Variants in ZNF398 observed in about 807,000 individuals in gnomAD.
The protein encoded by ZNF398 is zinc finger protein 398.
In ZNF398, 18 loss-of-function variants were observed where a neutral mutation model predicts 41.9. The observed-to-expected ratio is 0.43, with a 90% CI of 0.30 to 0.64. ZNF398 has a LOEUF of 0.64. ZNF398 is among the 30% of genes least tolerant of loss of function. The pLI, the probability that ZNF398 is intolerant of heterozygous loss-of-function variation, is 0.14. For synonymous variants in ZNF398, 260 were observed against 308.8 expected (o/e 0.84, Z 1.66); for missense variants, 669 against 822.8 (o/e 0.81, Z 2.29).
chr7:149,141,447 C>T (rs368354215), intron 2 of ZNF398, among the ~76,000 whole-genome samples: 27 of 116,814 alleles, frequency 2.3e-4, no homozygotes, highest in East Asian at 6.8e-4. Context: ...AGCTACTTTT[C>T]TTTTTTTTCT....
rs142881129 is a variant in ZNF398, at chr7:149,152,014, C to T, written c.25-1931C>T. On this transcript the variant is annotated intron_variant, in intron 1 of 5. Transcript: ENST00000475153. Reference sequence around the variant, plus strand: ...TTGGGAGGCCGAGGAGGGCGGATCACGAGGTCAGGCTAACATGGTGAAACC... The same window carrying T: ...TTGGGAGGCCGAGGAGGGCGGATCATGAGGTCAGGCTAACATGGTGAAACC... 9.5e-4 allele frequency among the ~76,000 whole-genome samples: 144 copies of T among 152,000 alleles called. 1 individual carries two copies. Among genetic ancestry groups the T allele is most frequent in the African/African-American group, 3.3e-3 (137 of 41,508 alleles).
At chr7:149,168,767 C>G (rs1006223011) in intron 4 of ZNF398, among the ~76,000 whole-genome samples, 1 of 151,978 alleles carries the variant, frequency 6.6e-6, no homozygotes, top group Non-Finnish European at 1.5e-5. Context: ...GTTGGCCAGG[C>G]TGGTCTTAAA....
chr7:149,153,822 G>C lies in ZNF398; in HGVS notation c.25-123G>C, dbSNP rs890450704. ...CAGAAAGATGAGGCATACGCAGGCA[G>C]TACTAGAACTATATTCAAATTAATC... On this transcript the variant is annotated intron_variant, in intron 1 of 5. Transcript: ENST00000475153. 9 of 1,191,694 alleles carry C rather than the reference G, an allele frequency of 7.6e-6. No homozygotes were observed. In the Admixed American group the frequency reaches 2.3e-4, roughly 30 times the overall value. The allele number at this position is 1,191,694 out of a possible 1,614,324, so 73.8% of individuals were successfully genotyped here.
intron 2 of ZNF398, among the ~76,000 whole-genome samples, chr7:149,140,373 C>A (rs902528647): frequency 6.6e-6 from 1 of 152,000 alleles, no homozygotes; most frequent in African/African-American, 2.4e-5. Context: ...CAGTTGCATT[C>A]ATAACAGTAC....
At chr7:149,135,380 A>G (rs1161744803) in intron 2 of ZNF398, among the ~76,000 whole-genome samples, 3 of 121,998 alleles carry the variant, frequency 2.5e-5, no homozygotes, top group Admixed American at 1.9e-4. Flanking sequence ...ACAGAGCAAG[A>G]CTCTGTCTCA....
chr7:149,138,942 T>G (rs1007111416), intron 2 of ZNF398, among the ~76,000 whole-genome samples: 4 of 140,390 alleles, frequency 2.8e-5, no homozygotes, highest in African/African-American at 5.4e-5. Flanking sequence ...AGACGGAGTC[T>G]TGTTCTGTCA....
exon 1 of ZNF398, chr7:149,126,622 T>C: frequency 3.7e-6 from 1 of 268,358 alleles, no homozygotes; most frequent in Non-Finnish European, 7.1e-6. Context: ...GGAGACGCGC[T>C]CCACAGAAAC....
At chr7:149,127,739 C>CA (rs146998030) in intron 1 of ZNF398, among the ~76,000 whole-genome samples, 5,472 of 151,924 alleles carry the variant, frequency 0.036, 318 homozygotes, top group African/African-American at 0.12. Context: ...AACAAACAAA[C>CA]AAAAAAACTA....
intron 2 of ZNF398, among the ~76,000 whole-genome samples, chr7:149,158,960 A>G (rs1220301745): frequency 6.6e-6 from 1 of 152,000 alleles, no homozygotes; most frequent in Non-Finnish European, 1.5e-5. Context: ...AAAATCATCT[A>G]TAAAGTAATG....
chr7:149,166,079 A>G, intron 2 of ZNF398, 79 bp from the exon 3 acceptor site: 2 of 1,466,768 alleles, frequency 1.4e-6, no homozygotes, highest in Non-Finnish European at 1.8e-6. Flanking sequence ...AAAAAAAATA[A>G]AAGGAACTAA....
In ZNF398 at chr7:149,179,616, C is replaced by G. The variant is rs748681795; in HGVS notation, c.1744C>G (p.Leu582Val). The G allele has an allele frequency of 1.2e-6, 2 of 1,614,212 alleles. No individual in the cohort carries two copies. The highest frequency in any genetic ancestry group is 1.7e-6 in the Non-Finnish European group (2 of 1,180,024). Residue 582 changes from leucine to valine, a missense_variant, in exon 6 of 6, where the codon CTC becomes GTC. By Grantham distance (32) the Leu-to-Val change is conservative (BLOSUM62 1). Coordinates refer to ENST00000475153, the MANE Select transcript of ZNF398 (RefSeq NM_170686.3). The surrounding 1 kb of genome is among the most constrained non-coding windows in gnomAD (Gnocchi z 6.1). Reference sequence around the variant, plus strand: ...CAGGAGCTTCCGCTACAAACAGACACTCAAGGACCACCTCCGTTCAGGCCA... The same window carrying G: ...CAGGAGCTTCCGCTACAAACAGACAGTCAAGGACCACCTCCGTTCAGGCCA... Reference protein sequence around the residue: ...CGRSFRYKQTLKDHLRSGHNG... With the variant: ...CGRSFRYKQTVKDHLRSGHNG...
At chr7:149,143,021 C>T (rs939107547), upstream of ZNF398, among the ~76,000 whole-genome samples, 1 of 152,048 alleles carries the variant, frequency 6.6e-6, no homozygotes. Flanking sequence ...GGCATGATCT[C>T]GGCTCCCTGC....
chr7:149,148,437 G>T (rs982087800), intron 1 of ZNF398: 1 of 985,524 alleles, frequency 1.0e-6, no homozygotes, highest in Non-Finnish European at 1.2e-6. Context: ...AGAAGGGGAC[G>T]GTCAGGCCGC....
chr7:149,166,690 T>A (rs746456061), intron 3 of ZNF398, 127 bp from the exon 4 acceptor site: 11 of 628,268 alleles, frequency 1.8e-5, no homozygotes, highest in Non-Finnish European at 2.0e-5. Context: ...TGGGAAGAAG[T>A]GATATGAAAT....
chr7:149,144,443 G>A (rs1239720894), upstream of ZNF398, among the ~76,000 whole-genome samples: 3 of 151,992 alleles, frequency 2.0e-5, no homozygotes, highest in African/African-American at 7.3e-5. Flanking sequence ...GAGTAACTGG[G>A]TCGACAGGTG....
chr7:149,178,279 G>C (rs187847673), intron 5 of ZNF398, among the ~76,000 whole-genome samples: 4 of 149,100 alleles, frequency 2.7e-5, no homozygotes, highest in Non-Finnish European at 4.5e-5. Flanking sequence ...GCGACAGAGC[G>C]AGACTCCGTC....
rs753442695 is a variant in ZNF398 at position 149,166,166 on chromosome 7, G to A, written c.429G>A (p.Val143=). 6.2e-7 allele frequency: 1 copy of A among 1,613,770 alleles called. No homozygotes were observed. The highest frequency in any genetic ancestry group is 2.2e-5 in the East Asian group (1 of 44,858). Residue 143 remains valine, a synonymous_variant, in exon 3 of 6, where the codon GTG becomes GTA. Transcript: ENST00000475153. ...GIKGDIPKVP[V]AFDDVSIYFS... ...TGTGATTGTAATTTTAGGTGCCTGT[G>A]GCATTTGATGATGTCTCCATCTACT...
chr7:149,174,136 C>T (rs1259058540), intron 4 of ZNF398, among the ~76,000 whole-genome samples: 1 of 152,010 alleles, frequency 6.6e-6, no homozygotes, highest in African/African-American at 2.4e-5. Flanking sequence ...TTTCAGAATA[C>T]TAAAATGAAC....
rs1159555794 is a variant in ZNF398 at position 149,182,437 on chromosome 7, A to C, written c.*2636A>C. On this transcript the variant is annotated 3_prime_UTR_variant, in exon 6 of 6. Coordinates refer to ENST00000475153, the MANE Select transcript of ZNF398 (RefSeq NM_170686.3). ...CAAAAGTGGGTAAGTAAAATGGATCAGTGGGAAGGATAAGGTGTCCAACAG... is the reference window on the plus strand; with the variant it reads ...CAAAAGTGGGTAAGTAAAATGGATCCGTGGGAAGGATAAGGTGTCCAACAG... 1 of 152,262 alleles carries C rather than the reference A, an allele frequency of 6.6e-6. No individual in the cohort carries two copies. The highest frequency in any genetic ancestry group is 1.5e-5 in the Non-Finnish European group (1 of 68,050). The allele number at this position is 152,262 out of a possible 1,614,324, so 9.4% of individuals were successfully genotyped here. A position where few individuals can be genotyped will look rare whatever the true frequency, so the allele number is the denominator to read the frequency against.
Sources: allele counts gnomAD v4.1 joint callset (sites outside exome capture counted in the v4.1 genomes callset), GRCh38; gene constraint gnomAD v4.1.1; non-coding constraint Gnocchi (gnomAD v3.1); transcripts MANE v1.5; gene names NCBI Gene and HGNC (gene_info 2026-07-23, HGNC 2026-07-21).